Variants in AFG2A observed in about 807,000 individuals in gnomAD.
The protein encoded by AFG2A is ATPase family gene 2 protein homolog A.
At chr4:123,145,393 A>C in the AFG2A span, among the ~76,000 whole-genome samples, 1 of 152,120 alleles carries the variant, frequency 6.6e-6, no homozygotes, top group Non-Finnish European at 1.5e-5. Flanking sequence ...ATTACACAGG[A>C]GTCCTTCAGA....
At chr4:123,286,559 A>G in the AFG2A span, among the ~76,000 whole-genome samples, 1 of 152,224 alleles carries the variant, frequency 6.6e-6, no homozygotes, top group Non-Finnish European at 1.5e-5. Context: ...TTTAGCTTAA[A>G]TAACCAGCAG....
At chr4:123,052,547 A>T in the AFG2A span, among the ~76,000 whole-genome samples, 1 of 152,044 alleles carries the variant, frequency 6.6e-6, no homozygotes, top group East Asian at 1.9e-4. Context: ...TTAAGTATTT[A>T]TTTTACTCTT....
At chr4:123,313,351 C>T in the AFG2A span, among the ~76,000 whole-genome samples, 2 of 152,204 alleles carry the variant, frequency 1.3e-5, no homozygotes, top group African/African-American at 4.8e-5. Context: ...TTTAAGAACT[C>T]ATTAAAGAGA....
chr4:123,234,475 T>G, the AFG2A span, among the ~76,000 whole-genome samples: 1 of 152,120 alleles, frequency 6.6e-6, no homozygotes, highest in Non-Finnish European at 1.5e-5. Context: ...ATTACCATTT[T>G]AAACATTATT....
the AFG2A span, among the ~76,000 whole-genome samples, chr4:123,206,348 T>C: frequency 6.6e-6 from 1 of 152,254 alleles, no homozygotes; most frequent in South Asian, 2.1e-4. Context: ...AGGAATTCTA[T>C]CAGAAAATGT....
At chr4:123,226,244 C>T in the AFG2A span, among the ~76,000 whole-genome samples, 1 of 152,172 alleles carries the variant, frequency 6.6e-6, no homozygotes, top group African/African-American at 2.4e-5. Flanking sequence ...ACTTCCAACA[C>T]TATGTTGAAT....
chr4:122,961,033 G>A, the AFG2A span, among the ~76,000 whole-genome samples: 3 of 152,302 alleles, frequency 2.0e-5, no homozygotes, highest in Admixed American at 2.0e-4. Context: ...ACATTCAGAT[G>A]CTATCATTAT....
At chr4:123,106,714 G>A in the AFG2A span, among the ~76,000 whole-genome samples, 1 of 152,208 alleles carries the variant, frequency 6.6e-6, no homozygotes, top group Non-Finnish European at 1.5e-5. Context: ...GACTTGGAGT[G>A]TTGCTTCACC....
the AFG2A span, among the ~76,000 whole-genome samples, chr4:123,015,202 T>TA: frequency 2.7e-5 from 4 of 150,298 alleles, no homozygotes; most frequent in Non-Finnish European, 4.5e-5. Context: ...TTTTTTTTTT[T>TA]AATTGATCAT....
At chr4:123,226,351 T>C in the AFG2A span, among the ~76,000 whole-genome samples, 1 of 152,190 alleles carries the variant, frequency 6.6e-6, no homozygotes, top group Admixed American at 6.5e-5. Context: ...TGTGGGTTTG[T>C]CATAGATAGC....
the AFG2A span, among the ~76,000 whole-genome samples, chr4:123,108,161 G>A: frequency 2.6e-5 from 4 of 152,300 alleles, no homozygotes; most frequent in East Asian, 3.9e-4. Flanking sequence ...CAGACGGGCC[G>A]CTGCTGCCAT....
chr4:123,122,573 A>G, the AFG2A span, among the ~76,000 whole-genome samples: 1 of 152,202 alleles, frequency 6.6e-6, no homozygotes, highest in Non-Finnish European at 1.5e-5. Flanking sequence ...TGAAAACTCC[A>G]AAGTCAAATC....
At chr4:123,153,279 C>T in the AFG2A span, among the ~76,000 whole-genome samples, 1 of 152,220 alleles carries the variant, frequency 6.6e-6, no homozygotes, top group Non-Finnish European at 1.5e-5. Flanking sequence ...CAAGGCAGAA[C>T]ATTTCAAGCC....
the AFG2A span, among the ~76,000 whole-genome samples, chr4:123,289,091 TG>T: frequency 6.6e-6 from 1 of 152,198 alleles, no homozygotes; most frequent in East Asian, 1.9e-4. Context: ...TGGTGAAGTC[TG>T]GGCTTTTAGT....
At chr4:123,075,105 G>A in the AFG2A span, among the ~76,000 whole-genome samples, 5 of 151,724 alleles carry the variant, frequency 3.3e-5, no homozygotes, top group African/African-American at 7.3e-5. Flanking sequence ...CACCATGCCC[G>A]GCTAATTTTT....
At chr4:122,988,390 T>C in the AFG2A span, among the ~76,000 whole-genome samples, 1 of 124,524 alleles carries the variant, frequency 8.0e-6, no homozygotes, top group Non-Finnish European at 1.7e-5. Context: ...GGAAATTTTC[T>C]GTCATTCTTT....
the AFG2A span, among the ~76,000 whole-genome samples, chr4:123,167,258 G>A: frequency 6.7e-6 from 1 of 149,274 alleles, no homozygotes; most frequent in Non-Finnish European, 1.5e-5. Context: ...ATACTTATAT[G>A]TAGGTATCTA....
the AFG2A span, among the ~76,000 whole-genome samples, chr4:123,026,681 A>G: frequency 6.6e-6 from 1 of 152,196 alleles, no homozygotes; most frequent in African/African-American, 2.4e-5. Flanking sequence ...TACGTGCTCT[A>G]AGAAATACTT....
the AFG2A span, among the ~76,000 whole-genome samples, chr4:123,121,413 G>T: frequency 1.3e-5 from 2 of 152,006 alleles, no homozygotes; most frequent in African/African-American, 4.8e-5. Context: ...TTCACTCTTT[G>T]CTCACCCAGA....
Sources: gnomAD v4.1 joint callset for allele counts (sites outside exome capture counted in the v4.1 genomes callset) on GRCh38, gnomAD v4.1.1 for gene constraint, MANE v1.5 for transcripts, NCBI Gene and HGNC (gene_info 2026-07-23, HGNC 2026-07-21) for gene names.